The following HNRNPC variants were observed in gnomAD, a reference collection of about 807,000 sequenced individuals.
HNRNPC encodes heterogeneous nuclear ribonucleoprotein C, also known as heterogeneous nuclear ribonucleoproteins C1/C2.
A neutral mutation model predicts 33.2 loss-of-function variants in HNRNPC; 3 were observed. The ratio of observed to expected loss-of-function variants is 0.09; its 90% confidence interval spans 0.04 to 0.23. The LOEUF (loss-of-function observed/expected upper bound fraction) is 0.23. Ranked by LOEUF, HNRNPC falls within the 10% of genes least tolerant of loss-of-function variation. The pLI, the probability that HNRNPC is intolerant of heterozygous loss-of-function variation, is 1.00. For synonymous variants in HNRNPC, 121 were observed against 126.7 expected (o/e 0.96, Z 0.30); for missense variants, 143 against 366.7 (o/e 0.39, Z 4.98).
At chr14:21,248,883 T>C (rs1896298435) in intron 2 of HNRNPC, among the ~76,000 whole-genome samples, 1 of 152,170 alleles carries the variant, frequency 6.6e-6, no homozygotes, top group Non-Finnish European at 1.5e-5. Context: ...GAAACAATGG[T>C]GTGGACACAT....
At chr14:21,244,163 A>T (rs886172863) in intron 2 of HNRNPC, among the ~76,000 whole-genome samples, 4 of 151,822 alleles carry the variant, frequency 2.6e-5, no homozygotes, top group Non-Finnish European at 5.9e-5. Flanking sequence ...CATCCGGATA[A>T]TTTTTTGTAC....
intron 5 of HNRNPC, among the ~76,000 whole-genome samples, chr14:21,229,398 C>G (rs1893857204): frequency 6.6e-6 from 1 of 151,760 alleles, no homozygotes; most frequent in African/African-American, 2.4e-5. Flanking sequence ...TCTGAGGAAA[C>G]CGCTAATGTC....
chr14:21,243,905 T>C (rs1424435518), intron 2 of HNRNPC, among the ~76,000 whole-genome samples: 4 of 152,048 alleles, frequency 2.6e-5, no homozygotes, highest in Admixed American at 1.3e-4. Context: ...AAAATATACA[T>C]ATATATATAC....
At chr14:21,246,509 T>C (rs549722821) in intron 2 of HNRNPC, among the ~76,000 whole-genome samples, 3 of 148,956 alleles carry the variant, frequency 2.0e-5, no homozygotes, top group Admixed American at 6.8e-5. Context: ...GAGCTTGCAG[T>C]GAGCTGGAGA....
chr14:21,258,671 T>C (rs1235446278), intron 2 of HNRNPC, among the ~76,000 whole-genome samples: 1 of 152,212 alleles, frequency 6.6e-6, no homozygotes, highest in African/African-American at 2.4e-5. Context: ...CTTCCATAAA[T>C]TAATGTCCTG....
chr14:21,257,356 C>T (rs1253731446), intron 2 of HNRNPC, among the ~76,000 whole-genome samples: 1 of 150,976 alleles, frequency 6.6e-6, no homozygotes, highest in Non-Finnish European at 1.5e-5. Context: ...GTAACAGAAA[C>T]ATGTAACAAA....
intron 5 of HNRNPC, among the ~76,000 whole-genome samples, chr14:21,214,537 C>G (rs1891945859): frequency 6.6e-6 from 1 of 152,112 alleles, no homozygotes; most frequent in South Asian, 2.1e-4. Context: ...AGAACCATGA[C>G]TGCACCACTG....
chr14:21,241,554 T>C (rs1249348453), intron 2 of HNRNPC, among the ~76,000 whole-genome samples: 1 of 152,234 alleles, frequency 6.6e-6, no homozygotes, highest in East Asian at 1.9e-4. Context: ...ATGATCTTCA[T>C]TTGATCTAAG....
chr14:21,223,742 G>A (rs1486411545), intron 5 of HNRNPC, among the ~76,000 whole-genome samples: 1 of 152,000 alleles, frequency 6.6e-6, no homozygotes, highest in Non-Finnish European at 1.5e-5. Flanking sequence ...AGCCACATCA[G>A]GTCTCAAAAA....
chr14:21,259,982 G>A (rs144085378), intron 2 of HNRNPC, among the ~76,000 whole-genome samples: 2 of 149,856 alleles, frequency 1.3e-5, no homozygotes, highest in Admixed American at 6.7e-5. Flanking sequence ...GGCGGATCAC[G>A]AGGTCAGGAG....
Position 21,213,074 on chromosome 14 carries a change from C to T in HNRNPC, c.409G>A (p.Ala137Thr), listed in dbSNP as rs1891792288. ...PARVPPPPPI[A>T]RAVVPSKRQR... ...CGTTTCGAGGGCACTACAGCCCGAGCAATAGGAGGAGGAGGAGGTACACGT... is the reference window on the plus strand; with the variant it reads ...CGTTTCGAGGGCACTACAGCCCGAGTAATAGGAGGAGGAGGAGGTACACGT... Residue 137 changes from alanine (A) to threonine (T), a missense_variant, in exon 6 of 9, where the codon GCT becomes ACT. Around this residue, in one of 2 missense-constraint regions of HNRNPC, gnomAD observed 131 missense variants for 253.0 expected, o/e 0.52. Coordinates refer to ENST00000553300, the MANE Select transcript of HNRNPC (RefSeq NM_004500.4). 6.2e-6 allele frequency: 10 copies of T among 1,614,018 alleles called. No homozygotes were observed. The highest frequency in any genetic ancestry group is 8.5e-6 in the Non-Finnish European group (10 of 1,179,966).
chr14:21,250,152 C>T (rs1022379853), intron 2 of HNRNPC, among the ~76,000 whole-genome samples: 3 of 151,828 alleles, frequency 2.0e-5, no homozygotes, highest in Non-Finnish European at 1.5e-5. Context: ...ACTCGGGAGG[C>T]CAAGGCAGGG....
intron 5 of HNRNPC, among the ~76,000 whole-genome samples, chr14:21,226,299 G>C (rs1271576357): frequency 1.3e-5 from 2 of 148,618 alleles, no homozygotes; most frequent in African/African-American, 5.0e-5. Flanking sequence ...CTCCAGCCCG[G>C]GAGACAGCAC....
At chr14:21,264,056 C>T (rs1378547268) in intron 1 of HNRNPC, 1 of 152,126 alleles carries the variant, frequency 6.6e-6, no homozygotes, top group African/African-American at 2.4e-5. Flanking sequence ...TCAATATGCC[C>T]TTGAGGGTCT....
At chr14:21,259,464 C>A (rs956143405) in intron 2 of HNRNPC, among the ~76,000 whole-genome samples, 5 of 152,186 alleles carry the variant, frequency 3.3e-5, no homozygotes, top group Non-Finnish European at 7.3e-5. Flanking sequence ...TACTCAGATA[C>A]TTAATAAAAC....
intron 5 of HNRNPC, among the ~76,000 whole-genome samples, chr14:21,215,818 G>C (rs1259760697): frequency 6.7e-6 from 1 of 149,394 alleles, no homozygotes; most frequent in Non-Finnish European, 1.5e-5. Flanking sequence ...AGAATTGCTT[G>C]AATCTGGAAG....
At position 21,230,385 on chromosome 14, in the gene HNRNPC, A is replaced by G. The variant is rs748627249; in HGVS notation, c.318-19T>C. On this transcript the variant is annotated intron_variant, in intron 4 of 8. Coordinates refer to ENST00000553300, the MANE Select transcript of HNRNPC (RefSeq NM_004500.4). ...AGAGGAGCTGAAAAATAAATACCGAAAAGGGTTAATTTGGAAATGTTTCTA... is the reference window on the plus strand; with the variant it reads ...AGAGGAGCTGAAAAATAAATACCGAGAAGGGTTAATTTGGAAATGTTTCTA... 4 of 1,594,220 alleles carry G rather than the reference A, an allele frequency of 2.5e-6. No homozygotes were observed. The highest frequency in any genetic ancestry group is 2.6e-6 in the Non-Finnish European group (3 of 1,162,908).
chr14:21,230,546 A>T, intron 4 of HNRNPC, 180 bp from the exon 5 acceptor site: 3 of 553,966 alleles, frequency 5.4e-6, no homozygotes, highest in Non-Finnish European at 9.8e-6. Flanking sequence ...GACCACTGGA[A>T]ATGTAGCGGT....
chr14:21,256,584 G>C (rs1204675317), intron 2 of HNRNPC, among the ~76,000 whole-genome samples: 1 of 152,110 alleles, frequency 6.6e-6, no homozygotes, highest in Admixed American at 6.5e-5. Flanking sequence ...AGACAAGGGT[G>C]GCTTGAAATT....
Sources: gnomAD v4.1 joint callset for allele counts (sites outside exome capture counted in the v4.1 genomes callset) on GRCh38, gnomAD v4.1.1 for gene constraint, gnomAD v4.1.1 regional missense constraint, MANE v1.5 for transcripts, NCBI Gene and HGNC (gene_info 2026-07-23, HGNC 2026-07-21) for gene names.